The following PRKCZ variants were observed in gnomAD, a reference collection of about 807,000 sequenced individuals.
PRKCZ encodes the protein protein kinase C zeta.
A neutral mutation model predicts 79.5 loss-of-function variants in PRKCZ; 33 were observed. The observed-to-expected ratio is 0.41, with a 90% confidence interval of 0.31 to 0.55. The LOEUF (loss-of-function observed/expected upper bound fraction) is 0.55, where lower values mean the gene tolerates loss of function less well. Ranked by LOEUF, PRKCZ falls within the 20% of genes least tolerant of loss-of-function variation. The pLI is 0.19. For missense variants in PRKCZ, 578 were observed against 813.5 expected, an observed-to-expected ratio of 0.71 and a Z score of 3.52; for synonymous variants, 342 against 320.9, an observed-to-expected ratio of 1.07 and a Z score of -0.70.
chr1:2,126,893 C>T (rs879454389), intron 4 of PRKCZ, among the ~76,000 whole-genome samples: 1 of 152,250 alleles, frequency 6.6e-6, no homozygotes, highest in African/African-American at 2.4e-5. Context: ...GTATCACTGA[C>T]ACCCTGATAC....
chr1:2,100,480 C>T (rs1364448094), intron 4 of PRKCZ, among the ~76,000 whole-genome samples: 4 of 152,206 alleles, frequency 2.6e-5, no homozygotes, highest in Non-Finnish European at 4.4e-5. Flanking sequence ...GTGTCCTCTC[C>T]CCGGACGATC....
At chr1:2,059,635 T>A in intron 4 of PRKCZ, 44 bp downstream of exon 4, 1 of 1,609,150 alleles carries the variant, frequency 6.2e-7, no homozygotes, top group East Asian at 2.2e-5. Context: ...TGTTACGGGG[T>A]TGAACTGTTG....
At chr1:2,068,092 T>TACGTTCCTTGGGGCAGCAGC (rs1553131599) in intron 4 of PRKCZ, among the ~76,000 whole-genome samples, 1 of 152,202 alleles carries the variant, frequency 6.6e-6, no homozygotes, top group African/African-American at 2.4e-5. Flanking sequence ...GAGGCAGCAG[T>TACGTTCCTTGGGGCAGCAGC]ACGTTCCTTG....
At position 2,076,614 on chromosome 1, in the gene PRKCZ, C is replaced by T. The variant is rs909665979; in HGVS notation, c.334+17023C>T. Among the ~76,000 whole-genome samples, 4 of 151,902 alleles carry T rather than the reference C, an allele frequency of 2.6e-5. 1 individual carries two copies. The South Asian group carries it at 6.2e-4, about 24-fold the overall frequency. On this transcript the variant is annotated intron_variant, in intron 4 of 17. Transcript: ENST00000378567. ...AAAATTAGCTGGGCGTGGTGGTGAGCGCCTGTAATCCCAGCCATTCAGGGG... is the reference window on the plus strand; with the variant it reads ...AAAATTAGCTGGGCGTGGTGGTGAGTGCCTGTAATCCCAGCCATTCAGGGG...
chr1:2,055,821 T>C, intron 2 of PRKCZ: 1 of 435,954 alleles, frequency 2.3e-6, no homozygotes, highest in South Asian at 3.9e-5. Context: ...TGCCCCACCC[T>C]GGGCAGGTCC....
chr1:2,133,003 G>T (rs1675300913), intron 4 of PRKCZ, among the ~76,000 whole-genome samples: 1 of 152,228 alleles, frequency 6.6e-6, no homozygotes, highest in African/African-American at 2.4e-5. Flanking sequence ...TCGTCCCGGC[G>T]GGGACTGGGG....
At chr1:2,131,541 G>C (rs1674953689) in intron 4 of PRKCZ, among the ~76,000 whole-genome samples, 1 of 152,180 alleles carries the variant, frequency 6.6e-6, no homozygotes, top group South Asian at 2.1e-4. Flanking sequence ...TATCCTCTCT[G>C]TCCCTGTGCT....
intron 4 of PRKCZ, among the ~76,000 whole-genome samples, chr1:2,062,721 C>A (rs1660799284): frequency 6.6e-6 from 1 of 152,040 alleles, no homozygotes; most frequent in African/African-American, 2.4e-5. Context: ...CTCCTGGGCT[C>A]AAGTGACCTA....
chr1:2,119,769 C>A (rs1271688394), intron 4 of PRKCZ, among the ~76,000 whole-genome samples: 2 of 146,984 alleles, frequency 1.4e-5, no homozygotes, highest in East Asian at 4.1e-4. Context: ...GTAATTAATT[C>A]TTTTTATTTC....
rs954276463 is a variant in PRKCZ, at chr1:2,090,520, A to G, written c.334+30929A>G. On this transcript the variant is annotated intron_variant, in intron 4 of 17. Transcript: ENST00000378567. ...CCCCTCACCCTCAGCTGCTCCTTCCAGGAGCTTAAGGCCCCTAAAGTCTGC... is the reference window on the plus strand; with the variant it reads ...CCCCTCACCCTCAGCTGCTCCTTCCGGGAGCTTAAGGCCCCTAAAGTCTGC... Among the ~76,000 whole-genome samples, 18 of 152,184 alleles carry G rather than the reference A, an allele frequency of 1.2e-4. No homozygotes were observed. In the East Asian group the frequency reaches 3.1e-3, roughly 26 times the overall value.
At position 2,125,012 on chromosome 1, in the gene PRKCZ, G is replaced by T. The variant is rs1028366277; in HGVS notation, c.335-10250G>T. Among the ~76,000 whole-genome samples, 1 of 152,188 alleles carries T rather than the reference G, an allele frequency of 6.6e-6. No homozygotes were observed. Among genetic ancestry groups the T allele is most frequent in the Non-Finnish European group, 1.5e-5 (1 of 68,032 alleles). On this transcript the variant is annotated intron_variant, in intron 4 of 17. Coordinates refer to ENST00000378567, the MANE Select transcript of PRKCZ (RefSeq NM_002744.6). The surrounding 1 kb of genome is among the most constrained non-coding windows in gnomAD (Gnocchi z 4.2). ...GGTTCTGAGTTATTGTGACTCAGCCGCACGTCCTCCCAGGGGCCTTGCCAG... is the reference window on the plus strand; with the variant it reads ...GGTTCTGAGTTATTGTGACTCAGCCTCACGTCCTCCCAGGGGCCTTGCCAG...
At chr1:2,131,050 G>A (rs982030640) in intron 4 of PRKCZ, among the ~76,000 whole-genome samples, 7 of 152,196 alleles carry the variant, frequency 4.6e-5, no homozygotes, top group South Asian at 2.1e-4. Flanking sequence ...TCATGGGCTC[G>A]GACCTTCCAG....
At position 2,174,981 on chromosome 1, in the gene PRKCZ, G is replaced by C; in HGVS notation, c.1485+148G>C. Reference sequence around the variant, plus strand: ...TTTTCCGCTTCAGTATTTGAGCTCTGTGTTCTGTGAATCGTCCGTTTTTAC... The same window carrying C: ...TTTTCCGCTTCAGTATTTGAGCTCTCTGTTCTGTGAATCGTCCGTTTTTAC... On this transcript the variant is annotated intron_variant, in intron 15 of 17. Coordinates refer to ENST00000378567, the MANE Select transcript of PRKCZ (RefSeq NM_002744.6). The surrounding 1 kb of genome is among the most constrained non-coding windows in gnomAD (Gnocchi z 6.2). 1.1e-6 allele frequency: 1 copy of C among 872,454 alleles called. No homozygotes were observed. Among genetic ancestry groups the C allele is most frequent in the East Asian group, 2.6e-5 (1 of 39,068 alleles). 54.0% of individuals were successfully genotyped at this position (872,454 alleles called of 1,614,324 possible). A position where few individuals can be genotyped will look rare whatever the true frequency, so the allele number is the denominator to read the frequency against.
chr1:2,128,749 G>A lies in PRKCZ; in HGVS notation c.335-6513G>A, dbSNP rs145897827. 7.3e-4 allele frequency among the ~76,000 whole-genome samples: 111 copies of A among 152,306 alleles called. No individual in the cohort carries two copies. The highest frequency in any genetic ancestry group is 2.5e-3 in the African/African-American group (105 of 41,570). ...GACCCGTGTGGCTGCACCGTCCACT[G>A]TGCGCTGTCCACTGCAGGAGACCCC... On this transcript the variant is annotated intron_variant, in intron 4 of 17. Coordinates refer to ENST00000378567, the MANE Select transcript of PRKCZ (RefSeq NM_002744.6). This position sits in a 1 kb window ranked among gnomAD's most constrained non-coding sequence, Gnocchi z 6.5.
intron 5 of PRKCZ, among the ~76,000 whole-genome samples, chr1:2,135,812 G>A (rs1241591925): frequency 2.0e-5 from 3 of 152,224 alleles, no homozygotes; most frequent in South Asian, 2.1e-4. Flanking sequence ...GGCCACCCAC[G>A]GGGGCCCTTT....
At chr1:2,181,945 G>A (rs548929519) in intron 16 of PRKCZ, 13 of 440,730 alleles carry the variant, frequency 2.9e-5, no homozygotes, top group South Asian at 1.6e-4. Context: ...GAACAGCCCC[G>A]GCCCCTCCCT....
chr1:2,072,722 C>G (rs1661713169), intron 4 of PRKCZ, among the ~76,000 whole-genome samples: 1 of 152,118 alleles, frequency 6.6e-6, no homozygotes, highest in Non-Finnish European at 1.5e-5. Context: ...CGGTTGGCCT[C>G]TCGGGGCCGT....
chr1:2,181,401 G>T (rs1207262314), intron 16 of PRKCZ, among the ~76,000 whole-genome samples: 1 of 152,222 alleles, frequency 6.6e-6, no homozygotes, highest in Non-Finnish European at 1.5e-5. Context: ...TGCTGTGGTT[G>T]CAGCCACAGG....
chr1:2,100,594 G>A (rs549177346), intron 4 of PRKCZ, among the ~76,000 whole-genome samples: 2 of 152,348 alleles, frequency 1.3e-5, no homozygotes, highest in Middle Eastern at 3.4e-3. Context: ...AGTGGAGCCC[G>A]TCTGTTCCTT....
Sources: gnomAD v4.1 joint callset for allele counts (sites outside exome capture counted in the v4.1 genomes callset) on GRCh38, gnomAD v4.1.1 for gene constraint, Gnocchi (gnomAD v3.1) non-coding constraint, MANE v1.5 for transcripts, NCBI Gene and HGNC (gene_info 2026-07-23, HGNC 2026-07-21) for gene names.